Variants in MVB12B observed in about 807,000 individuals in gnomAD.
MVB12B encodes the protein multivesicular body subunit 12B.
Under a neutral mutation model 41.6 loss-of-function variants are expected in MVB12B, and 16 were observed. The observed-to-expected ratio is 0.38, with a 90% confidence interval of 0.26 to 0.58. MVB12B has a LOEUF of 0.58. Ranked by LOEUF, MVB12B falls within the 20% of genes least tolerant of loss-of-function variation. The pLI is 0.62. For synonymous variants in MVB12B, 133 were observed against 139.7 expected, an observed-to-expected ratio of 0.95 and a Z score of 0.34; for missense variants, 274 against 380.2, an observed-to-expected ratio of 0.72 and a Z score of 2.32.
chr9:126,409,117 G>GC (rs915048905), intron 6 of MVB12B, among the ~76,000 whole-genome samples: 1 of 141,378 alleles, frequency 7.1e-6, no homozygotes, highest in Admixed American at 6.8e-5. Context: ...TTCCATTGTG[G>GC]GGGGGGGCTC....
intron 6 of MVB12B, among the ~76,000 whole-genome samples, chr9:126,403,478 C>G (rs1564312145): frequency 6.6e-6 from 1 of 152,198 alleles, no homozygotes; most frequent in East Asian, 1.9e-4. Context: ...CGTCATACAG[C>G]CTGGCATCTC....
At chr9:126,372,496 G>A (rs898408479) in intron 2 of MVB12B, among the ~76,000 whole-genome samples, 2 of 152,184 alleles carry the variant, frequency 1.3e-5, no homozygotes, top group African/African-American at 4.8e-5. Context: ...CACCAGAAGT[G>A]CAGAGGGCTC....
intron 9 of MVB12B, among the ~76,000 whole-genome samples, chr9:126,497,755 A>G (rs571828324): frequency 1.1e-4 from 16 of 152,306 alleles, no homozygotes; most frequent in African/African-American, 3.8e-4. Flanking sequence ...CCCGCTGGGT[A>G]TGCAGCCTCT....
chr9:126,438,389 T>C (rs1427386817), intron 7 of MVB12B, among the ~76,000 whole-genome samples: 1 of 148,840 alleles, frequency 6.7e-6, no homozygotes, highest in South Asian at 2.2e-4. Flanking sequence ...GGTTACACTT[T>C]AGTGTAAAGT....
chr9:126,367,238 C>G lies in MVB12B; in HGVS notation c.205-13826C>G, dbSNP rs957928672. ...GAGAATTTCTCCTTCCTGCCCGGGGCTCTCCAGCCACGCTCCCCCTCTTGC... is the reference window on the plus strand; with the variant it reads ...GAGAATTTCTCCTTCCTGCCCGGGGGTCTCCAGCCACGCTCCCCCTCTTGC... On this transcript the variant is annotated intron_variant, in intron 2 of 9. Transcript: ENST00000361171. This position sits in a 1 kb window ranked among gnomAD's most constrained non-coding sequence, Gnocchi z 4.3. Among the ~76,000 whole-genome samples the G allele has an allele frequency of 6.6e-6, 1 of 152,106 alleles. No individual in the cohort carries two copies. The highest frequency in any genetic ancestry group is 2.1e-4 in the South Asian group (1 of 4,812).
At chr9:126,331,743 CGGGTCCCTTGGACTCCA>C (rs1394613746) in intron 1 of MVB12B, among the ~76,000 whole-genome samples, 9 of 152,220 alleles carry the variant, frequency 5.9e-5, no homozygotes, top group Non-Finnish European at 1.0e-4. Flanking sequence ...AATTCAAGCT[CGGGTCCCTTGGACTCCA>C]AAGGGGGCAC....
At chr9:126,393,353 C>T (rs1035346046) in intron 5 of MVB12B, among the ~76,000 whole-genome samples, 1 of 152,220 alleles carries the variant, frequency 6.6e-6, no homozygotes, top group Non-Finnish European at 1.5e-5. Flanking sequence ...ATGTTTCCCC[C>T]TCGAGGAGGC....
At chr9:126,490,594 C>T (rs1011278690) in intron 9 of MVB12B, among the ~76,000 whole-genome samples, 1 of 152,174 alleles carries the variant, frequency 6.6e-6, no homozygotes, top group Non-Finnish European at 1.5e-5. Flanking sequence ...CCTGGCGGAG[C>T]AACAGCCTCC....
At chr9:126,456,804 A>C (rs534593482) in intron 7 of MVB12B, among the ~76,000 whole-genome samples, 1 of 152,242 alleles carries the variant, frequency 6.6e-6, no homozygotes, top group South Asian at 2.1e-4. Flanking sequence ...TCTTCAGCTG[A>C]TCTAGTAATT....
chr9:126,396,316 G>A (rs1200877837), intron 6 of MVB12B: 1 of 985,446 alleles, frequency 1.0e-6, no homozygotes, highest in Non-Finnish European at 1.2e-6. Context: ...AAAGAATCCT[G>A]TCAAATAAAA....
At chr9:126,455,616 CTG>C (rs1162405540) in intron 7 of MVB12B, among the ~76,000 whole-genome samples, 1 of 152,008 alleles carries the variant, frequency 6.6e-6, no homozygotes, top group East Asian at 1.9e-4. Flanking sequence ...TCCTGAGAAA[CTG>C]GAACCACAGG....
chr9:126,396,974 G>C, intron 6 of MVB12B: 1 of 985,592 alleles, frequency 1.0e-6, no homozygotes, highest in Non-Finnish European at 1.2e-6. Context: ...GGGCACTGCT[G>C]AGGGTCACTG....
intron 7 of MVB12B, among the ~76,000 whole-genome samples, chr9:126,451,646 G>A (rs1832890806): frequency 6.6e-6 from 1 of 152,080 alleles, no homozygotes; most frequent in Admixed American, 6.5e-5. Flanking sequence ...AGAGGGATGA[G>A]GCACTGCAGG....
At chr9:126,439,720 A>C (rs1832583544) in intron 7 of MVB12B, among the ~76,000 whole-genome samples, 1 of 152,240 alleles carries the variant, frequency 6.6e-6, no homozygotes, top group Non-Finnish European at 1.5e-5. Context: ...AATGAAAATT[A>C]TATGAAAAAG....
At chr9:126,409,118 G>C (rs570488875) in intron 6 of MVB12B, among the ~76,000 whole-genome samples, 4 of 151,968 alleles carry the variant, frequency 2.6e-5, no homozygotes, top group Admixed American at 6.5e-5. Context: ...TCCATTGTGG[G>C]GGGGGGCTCA....
At chr9:126,456,313 T>C (rs917668339) in intron 7 of MVB12B, among the ~76,000 whole-genome samples, 2 of 152,330 alleles carry the variant, frequency 1.3e-5, no homozygotes, top group Admixed American at 1.3e-4. Context: ...TCGCACACGA[T>C]TTCTCCCACA....
intron 2 of MVB12B, among the ~76,000 whole-genome samples, chr9:126,359,061 A>T (rs1202875752): frequency 2.1e-5 from 3 of 144,342 alleles, no homozygotes; most frequent in Admixed American, 6.9e-5. Flanking sequence ...TTTAATTTTA[A>T]TTTTTTTTTT....
intron 6 of MVB12B, among the ~76,000 whole-genome samples, chr9:126,399,922 G>C (rs373660735): frequency 6.6e-6 from 1 of 152,192 alleles, no homozygotes; most frequent in African/African-American, 2.4e-5. Context: ...GAGGCGATGG[G>C]CGCAGGCGGA....
At chr9:126,493,886 G>A (rs77288635) in intron 9 of MVB12B, among the ~76,000 whole-genome samples, 170 of 152,154 alleles carry the variant, frequency 1.1e-3, no homozygotes, top group African/African-American at 3.8e-3. Flanking sequence ...GCATTTCATC[G>A]GTTCCCCAGG....
Sources: gnomAD v4.1 joint callset for allele counts (sites outside exome capture counted in the v4.1 genomes callset) on GRCh38, gnomAD v4.1.1 for gene constraint, Gnocchi (gnomAD v3.1) non-coding constraint, MANE v1.5 for transcripts, NCBI Gene and HGNC (gene_info 2026-07-23, HGNC 2026-07-21) for gene names.